Variants in GAK observed in about 807,000 individuals in gnomAD.
The protein encoded by GAK is cyclin G associated kinase, also known as cyclin-G-associated kinase.
In GAK, 79 loss-of-function variants were observed where a neutral mutation model predicts 143.9. The observed-to-expected ratio is 0.55, with a 90% CI of 0.46 to 0.66. The LOEUF is 0.66. Among genes scored for constraint, GAK ranks in the 30% least tolerant of loss-of-function variants. The pLI is 0.00. For synonymous variants in GAK, 881 were observed against 765.5 expected (o/e 1.15, Z -2.49); for missense variants, 1,693 against 1,779.7 (o/e 0.95, Z 0.88).
At chr4:899,952 G>A (rs374043899) in intron 5 of GAK, among the ~76,000 whole-genome samples, 21 of 152,220 alleles carry the variant, frequency 1.4e-4, no homozygotes, top group Non-Finnish European at 2.4e-4. Flanking sequence ...ATACAGGACC[G>A]GGGCCTCTGA....
intron 4 of GAK, among the ~76,000 whole-genome samples, chr4:909,919 A>G (rs372773977): frequency 6.6e-6 from 1 of 152,240 alleles, no homozygotes; most frequent in East Asian, 1.9e-4. Context: ...CTCAGCCTGC[A>G]GGCGGCTCTG....
intron 11 of GAK, chr4:886,303 C>G (rs1213411841): frequency 3.3e-5 from 5 of 152,252 alleles, no homozygotes; most frequent in African/African-American, 1.2e-4. Flanking sequence ...TCAAGCCAAA[C>G]TGTGTCCTCC....
chr4:928,760 T>A lies in GAK; in HGVS notation c.145+3283A>T, dbSNP rs1262862564. On this transcript the variant is annotated intron_variant, in intron 1 of 27. Coordinates refer to ENST00000314167, the MANE Select transcript of GAK (RefSeq NM_005255.4). Reference sequence around the variant, plus strand: ...CTCACCCAGTCCAGAACATTCTTTTTTCTTTTCTTTTTTTTTTGGTGAGAC... The same window carrying A: ...CTCACCCAGTCCAGAACATTCTTTTATCTTTTCTTTTTTTTTTGGTGAGAC... Among the ~76,000 whole-genome samples the A allele has an allele frequency of 2.6e-5, 4 of 152,190 alleles. No individual in the cohort carries two copies. The Middle Eastern group carries it at 9.5e-3, about 361-fold the overall frequency.
chr4:923,218 C>G (rs1205910310), intron 1 of GAK, among the ~76,000 whole-genome samples: 8 of 152,110 alleles, frequency 5.3e-5, no homozygotes, highest in Admixed American at 5.2e-4. Flanking sequence ...GAAAAGATCT[C>G]CATCTTTTCT....
In GAK at chr4:921,687, G is replaced by GT. The variant is rs75160334; in HGVS notation, c.146-8020dup. 4.9e-3 allele frequency among the ~76,000 whole-genome samples: 707 copies of GT among 143,742 alleles called. 2 individuals are homozygous for GT. The highest frequency in any genetic ancestry group is 6.4e-3 in the Non-Finnish European group (417 of 65,220). The allele number at this position is 143,742 out of a possible 152,430, so 94.3% of individuals were successfully genotyped here. Reference sequence around the variant, plus strand: ...ATCTGCAACAGACCCCGCTTTGTTTGTTTTTTTTTTTTAATTAACTGGTCT... The same window carrying GT: ...ATCTGCAACAGACCCCGCTTTGTTTGTTTTTTTTTTTTTAATTAACTGGTCT... On this transcript the variant is annotated intron_variant, in intron 1 of 27. Transcript: ENST00000314167.
intron 24 of GAK, among the ~76,000 whole-genome samples, chr4:857,971 G>T (rs184721475): frequency 6.6e-6 from 1 of 152,082 alleles, no homozygotes; most frequent in South Asian, 2.1e-4. Context: ...TCCACGCATC[G>T]TCTCCCTTGA....
chr4:892,190 G>A (rs558665064), intron 9 of GAK, among the ~76,000 whole-genome samples: 8 of 152,270 alleles, frequency 5.3e-5, no homozygotes, highest in Middle Eastern at 3.4e-3. Flanking sequence ...CACACCCACC[G>A]CCTGGGTCAG....
At chr4:924,929 G>C (rs560383588) in intron 1 of GAK, among the ~76,000 whole-genome samples, 13 of 151,940 alleles carry the variant, frequency 8.6e-5, no homozygotes, top group African/African-American at 2.9e-4. Flanking sequence ...AGGATAGTGA[G>C]TGCTCTCCTG....
At chr4:894,922 G>C (rs1209655126) in intron 7 of GAK, 2 of 152,210 alleles carry the variant, frequency 1.3e-5, no homozygotes, top group African/African-American at 4.8e-5. Flanking sequence ...AGAGGTTGCA[G>C]TGCGCCGAGA....
At chr4:904,986 G>A (rs1002757407) in intron 4 of GAK, among the ~76,000 whole-genome samples, 2 of 152,194 alleles carry the variant, frequency 1.3e-5, no homozygotes, top group East Asian at 1.9e-4. Flanking sequence ...TCTCCTCTTC[G>A]TTTGCAACTC....
chr4:902,601 A>AAAAAAAAAAAC (rs1448842364), intron 5 of GAK, among the ~76,000 whole-genome samples: 4 of 141,790 alleles, frequency 2.8e-5, no homozygotes, highest in African/African-American at 7.9e-5. Context: ...TGACTCAAAA[A>AAAAAAAAAAAC]AAAAAAAAAA....
At chr4:882,888 G>A in intron 13 of GAK, 69 bp from the exon 14 acceptor site, 1 of 1,575,888 alleles carries the variant, frequency 6.3e-7, no homozygotes, top group East Asian at 2.3e-5. Context: ...AGCTAGGAGG[G>A]ACAGCCTGCC....
intron 1 of GAK, among the ~76,000 whole-genome samples, chr4:914,988 G>A (rs117301365): frequency 0.05 from 3,790 of 75,354 alleles, 123 homozygotes; most frequent in East Asian, 0.2. Flanking sequence ...CAGCGTACAC[G>A]GCCCCCAACA....
chr4:895,283 A>T (rs1718555201), intron 7 of GAK, among the ~76,000 whole-genome samples: 2 of 152,230 alleles, frequency 1.3e-5, no homozygotes, highest in Non-Finnish European at 2.9e-5. Context: ...TCAATCACCC[A>T]ATATGTGAGC....
chr4:914,606 C>T (rs1363623820), intron 1 of GAK, among the ~76,000 whole-genome samples: 2 of 116,758 alleles, frequency 1.7e-5, no homozygotes, highest in Non-Finnish European at 3.5e-5. Flanking sequence ...ACACACATAG[C>T]CCCAGCGTAC....
chr4:869,431 A>AG, intron 19 of GAK: 1 of 126,544 alleles, frequency 7.9e-6, no homozygotes, highest in Non-Finnish European at 1.7e-5. Context: ...ACACAGCACA[A>AG]ATGCACAGTA....
chr4:888,236 C>CATCT (rs1439984092), intron 11 of GAK: 1 of 152,356 alleles, frequency 6.6e-6, no homozygotes, highest in Non-Finnish European at 1.5e-5. Context: ...ACCGCAGGGC[C>CATCT]AGATGAGCAG....
chr4:886,615 CCTCT>C (rs978287119), intron 11 of GAK: 2 of 152,418 alleles, frequency 1.3e-5, no homozygotes, highest in East Asian at 3.9e-4. Context: ...GCTGCCGCAT[CCTCT>C]CTGTCTTGTT....
At chr4:884,978 G>A (rs141203816) in intron 11 of GAK, among the ~76,000 whole-genome samples, 30 of 152,060 alleles carry the variant, frequency 2.0e-4, no homozygotes, top group African/African-American at 3.1e-4. Flanking sequence ...TTTAAAAGCC[G>A]TCTAAACCCG....
Sources: allele counts gnomAD v4.1 joint callset (sites outside exome capture counted in the v4.1 genomes callset), GRCh38; gene constraint gnomAD v4.1.1; transcripts MANE v1.5; gene names NCBI Gene and HGNC (gene_info 2026-07-23, HGNC 2026-07-21).